CPEB3: variants seen among roughly 807,000 people sequenced by gnomAD.
The protein encoded by CPEB3 is cytoplasmic polyadenylation element-binding protein 3.
In CPEB3, 20 loss-of-function variants were observed where a neutral mutation model predicts 67.2. That is an observed-to-expected ratio of 0.30 (90% CI 0.21 to 0.43). CPEB3 has a LOEUF of 0.43. Ranked by LOEUF, CPEB3 falls within the 20% of genes least tolerant of loss-of-function variation. The pLI is 1.00. For missense variants in CPEB3, 746 were observed against 968.6 expected, an observed-to-expected ratio of 0.77 and a Z score of 3.05; for synonymous variants, 376 against 393.1, an observed-to-expected ratio of 0.96 and a Z score of 0.51.
chr10:92,220,598 C>T (rs1342297046), intron 2 of CPEB3, among the ~76,000 whole-genome samples: 4 of 150,312 alleles, frequency 2.7e-5, no homozygotes, highest in Non-Finnish European at 5.9e-5. Context: ...AAAAAAACCT[C>T]CTTCCAAAAC....
At chr10:92,221,185 A>C (rs1368140920) in intron 2 of CPEB3, among the ~76,000 whole-genome samples, 2 of 152,234 alleles carry the variant, frequency 1.3e-5, no homozygotes, top group Non-Finnish European at 2.9e-5. Context: ...ATGTAACAAC[A>C]TCTCACTCTT....
At chr10:92,131,060 A>G (rs2133713552) in intron 6 of CPEB3, among the ~76,000 whole-genome samples, 1 of 152,336 alleles carries the variant, frequency 6.6e-6, no homozygotes, top group East Asian at 1.9e-4. Flanking sequence ...ATAGGTCATC[A>G]ACCTTCAGAC....
intron 6 of CPEB3, among the ~76,000 whole-genome samples, chr10:92,135,413 CTCA>C (rs1170504500): frequency 6.6e-6 from 1 of 152,304 alleles, no homozygotes; most frequent in East Asian, 1.9e-4. Flanking sequence ...TGAAAAAATG[CTCA>C]TCATCGCTGG....
At chr10:92,265,691 G>A (rs1487552406) in intron 1 of CPEB3, among the ~76,000 whole-genome samples, 1 of 150,206 alleles carries the variant, frequency 6.7e-6, no homozygotes, top group Non-Finnish European at 1.5e-5. Context: ...AGAAGGTGTA[G>A]TTAGCCAAGA....
chr10:92,274,843 A>G (rs1442227688), intron 1 of CPEB3, among the ~76,000 whole-genome samples: 1 of 152,154 alleles, frequency 6.6e-6, no homozygotes, highest in Non-Finnish European at 1.5e-5. Context: ...ATAATAAAAT[A>G]AAATAAATGT....
intron 2 of CPEB3, among the ~76,000 whole-genome samples, chr10:92,207,482 G>A (rs1480104034): frequency 1.3e-5 from 2 of 152,132 alleles, no homozygotes; most frequent in Non-Finnish European, 2.9e-5. Context: ...ATATCTTTGT[G>A]CCTCAGTTTT....
At chr10:92,128,848 G>A (rs910524887) in intron 6 of CPEB3, among the ~76,000 whole-genome samples, 27 of 152,138 alleles carry the variant, frequency 1.8e-4, no homozygotes, top group African/African-American at 6.0e-4. Context: ...AATAACAGGT[G>A]CTGGTGAGGT....
intron 7 of CPEB3, among the ~76,000 whole-genome samples, chr10:92,100,919 A>G (rs1308489220): frequency 6.6e-6 from 1 of 152,082 alleles, no homozygotes; most frequent in East Asian, 1.9e-4. Flanking sequence ...AAACCTCAAG[A>G]CTTCAAATTT....
In CPEB3 at chr10:92,289,718, C is replaced by CAAAAAAAAAAAAAAA. The variant is rs749285662; in HGVS notation, c.-12+1193_-12+1207dup. Among the ~76,000 whole-genome samples the CAAAAAAAAAAAAAAA allele has an allele frequency of 2.6e-3, 79 of 30,918 alleles. 13 individuals carry two copies. Among genetic ancestry groups the CAAAAAAAAAAAAAAA allele is most frequent in the African/African-American group, 0.017 (43 of 2,482 alleles). The allele number at this position is 30,918 out of a possible 152,430, so 20.3% of individuals were successfully genotyped here. A position where few individuals can be genotyped will look rare whatever the true frequency, so the allele number is the denominator to read the frequency against. Reference sequence around the variant, plus strand: ...CAACATGGCGAGACCGCGTCTCTACCAAAAAAAAAAAAAAATATATATATA... The same window carrying CAAAAAAAAAAAAAAA: ...CAACATGGCGAGACCGCGTCTCTACCAAAAAAAAAAAAAAAAAAAAAAAAAAAAAATATATATATA... On this transcript the variant is annotated intron_variant, in intron 1 of 9. Transcript: ENST00000265997.
At chr10:92,211,709 T>C (rs1037415942) in intron 2 of CPEB3, among the ~76,000 whole-genome samples, 7 of 149,704 alleles carry the variant, frequency 4.7e-5, no homozygotes, top group Non-Finnish European at 8.9e-5. Flanking sequence ...GTTAATTTTT[T>C]TGTGTGTATT....
At chr10:92,139,439 C>A (rs1255509542) in intron 6 of CPEB3, among the ~76,000 whole-genome samples, 5 of 151,524 alleles carry the variant, frequency 3.3e-5, no homozygotes, top group African/African-American at 1.2e-4. Flanking sequence ...GAAAGACAAA[C>A]TTCCCATTGT....
intron 1 of CPEB3, among the ~76,000 whole-genome samples, chr10:92,258,676 A>ATT (rs1852649515): frequency 8.8e-6 from 1 of 113,046 alleles, no homozygotes; most frequent in East Asian, 2.8e-4. Flanking sequence ...ATATATATAT[A>ATT]TATTTCATGT....
In CPEB3 at chr10:92,181,038, T is replaced by G; in HGVS notation, c.1166-19A>C. The G allele has an allele frequency of 7.2e-7, 1 of 1,379,406 alleles. No homozygotes were observed. The highest frequency in any genetic ancestry group is 1.7e-5 in the Admixed American group (1 of 58,464). 85.4% of individuals were successfully genotyped at this position (1,379,406 alleles called of 1,614,324 possible). On this transcript the variant is annotated intron_variant, in intron 3 of 9. Coordinates refer to ENST00000265997, the MANE Select transcript of CPEB3 (RefSeq NM_014912.5). ...ATGCGTCCTAAAAAATAAAATAATT[T>G]TAAGCAAAAAGAATGTTTAATGTAA...
At chr10:92,267,931 GCCT>G (rs1564921277) in intron 1 of CPEB3, among the ~76,000 whole-genome samples, 1 of 152,104 alleles carries the variant, frequency 6.6e-6, no homozygotes, top group East Asian at 1.9e-4. Flanking sequence ...CAATTCTCCT[GCCT>G]CCTCCTCCCG....
At chr10:92,053,455 C>T (rs1841981194) in intron 9 of CPEB3, among the ~76,000 whole-genome samples, 1 of 152,028 alleles carries the variant, frequency 6.6e-6, no homozygotes, top group African/African-American at 2.4e-5. Flanking sequence ...ACTCTGCCTC[C>T]CAGGTTCAAG....
chr10:92,117,938 G>A (rs1845125411), intron 6 of CPEB3, among the ~76,000 whole-genome samples: 1 of 152,124 alleles, frequency 6.6e-6, no homozygotes, highest in South Asian at 2.1e-4. Flanking sequence ...TGAGGAAAAT[G>A]AAGCTTGGAG....
chr10:92,069,776 T>G (rs1000971780), intron 9 of CPEB3, among the ~76,000 whole-genome samples: 9 of 152,326 alleles, frequency 5.9e-5, no homozygotes, highest in Non-Finnish European at 1.3e-4. Flanking sequence ...GTTCCCAACA[T>G]GAAGCTAAAA....
chr10:92,155,074 C>G (rs573713470), intron 4 of CPEB3, among the ~76,000 whole-genome samples: 1 of 151,922 alleles, frequency 6.6e-6, no homozygotes, highest in Non-Finnish European at 1.5e-5. Context: ...CCGGGTATGG[C>G]GGTGCATGCT....
At chr10:92,186,812 A>G (rs1489404219) in intron 3 of CPEB3, among the ~76,000 whole-genome samples, 1 of 152,096 alleles carries the variant, frequency 6.6e-6, no homozygotes, top group Non-Finnish European at 1.5e-5. Flanking sequence ...TATACAAATC[A>G]CTCAGTTTCT....
Sources: allele counts gnomAD v4.1 joint callset (sites outside exome capture counted in the v4.1 genomes callset), GRCh38; gene constraint gnomAD v4.1.1; transcripts MANE v1.5; gene names NCBI Gene and HGNC (gene_info 2026-07-23, HGNC 2026-07-21).